LRCH4: variants seen among roughly 807,000 people sequenced by gnomAD.
LRCH4 encodes the protein leucine rich repeats and calponin homology domain containing 4.
Under a neutral mutation model 81.2 loss-of-function variants are expected in LRCH4, and 56 were observed. That is an observed-to-expected ratio of 0.69 (90% CI 0.56 to 0.86). The LOEUF (loss-of-function observed/expected upper bound fraction) is 0.86, where lower values mean the gene tolerates loss of function less well. Among genes scored for constraint, LRCH4 ranks in the 40% least tolerant of loss-of-function variants. The probability of loss-of-function intolerance (pLI) is 0.00; values close to 1 mark genes in which losing one functional copy is unlikely to be tolerated. For missense variants in LRCH4, 895 were observed against 922.8 expected (o/e 0.97, Z 0.39); for synonymous variants, 442 against 409.7 (o/e 1.08, Z -0.95).
chr7:100,578,512 C>A lies in LRCH4; in HGVS notation c.736-1G>T. On this transcript the variant is annotated splice_acceptor_variant, in intron 5 of 17. Coordinates refer to ENST00000310300, the MANE Select transcript of LRCH4 (RefSeq NM_002319.5). LOFTEE classifies it high-confidence loss of function. This position sits in a 1 kb window ranked among gnomAD's most constrained non-coding sequence, Gnocchi z 5.7. ...TGTGAAGTTTCCCCTTCAGGCAGAC[C>A]TGTGTGCGGGGCAGCACACGCCAGG... The A allele has an allele frequency of 6.2e-7, 1 of 1,613,020 alleles. No homozygotes were observed. Among genetic ancestry groups the A allele is most frequent in the South Asian group, 1.1e-5 (1 of 90,924 alleles).
Position 100,583,855 on chromosome 7 carries a change from CGAGTTCTCA to C in LRCH4, c.221-1405_221-1397del. On this transcript the variant is annotated intron_variant, in intron 1 of 17. Coordinates refer to ENST00000310300, the MANE Select transcript of LRCH4 (RefSeq NM_002319.5). This position sits in a 1 kb window ranked among gnomAD's most constrained non-coding sequence, Gnocchi z 4.3. ...GCATGTGGACGAAGGGGGTGGAGAC[CGAGTTCTCA>C]GAGTTCTGATGGGGTAGGCGGTGGC... is the stretch of plus-strand genomic sequence containing the variant. 1 of 279,920 alleles carries C rather than the reference CGAGTTCTCA, an allele frequency of 3.6e-6. No individual in the cohort carries two copies. Among genetic ancestry groups the C allele is most frequent in the Non-Finnish European group, 7.3e-6 (1 of 137,066 alleles). The allele number at this position is 279,920 out of a possible 1,614,324, so 17.3% of individuals were successfully genotyped here.
In LRCH4 at chr7:100,575,782, G is replaced by C. The variant is rs777481880; in HGVS notation, c.1777C>G (p.Pro593Ala). Residue 593 changes from proline to alanine, a missense_variant and splice_region_variant, in exon 17 of 18, where the codon CCA (proline) becomes GCA (alanine). Physicochemically the swap from Pro to Ala is conservative, Grantham distance 27. Coordinates refer to ENST00000310300, the MANE Select transcript of LRCH4 (RefSeq NM_002319.5). This position sits in a 1 kb window ranked among gnomAD's most constrained non-coding sequence, Gnocchi z 5.3. ...CGAGCCTTGAGGGCACTGAGTTTTG[G>C]CTGGGGTGGGTGAAAGAAGAAAATG... Reference protein sequence around the residue: ...PFIHVPSPAVPKLSALKARKN... With the variant: ...PFIHVPSPAVAKLSALKARKN... 1 of 1,608,582 alleles carries C rather than the reference G, an allele frequency of 6.2e-7. No individual in the cohort carries two copies. The highest frequency in any genetic ancestry group is 8.5e-7 in the Non-Finnish European group (1 of 1,175,794).
intron 4 of LRCH4, among the ~76,000 whole-genome samples, chr7:100,581,367 A>G (rs989673365): frequency 2.0e-5 from 3 of 152,242 alleles, no homozygotes; most frequent in Non-Finnish European, 4.4e-5. Flanking sequence ...TTCAAAGCAC[A>G]TACACTGTTA....
Position 100,577,965 on chromosome 7 carries a change from A to G in LRCH4, c.949-53T>C, listed in dbSNP as rs111274869. On this transcript the variant is annotated intron_variant, in intron 7 of 17. Coordinates refer to ENST00000310300, the MANE Select transcript of LRCH4 (RefSeq NM_002319.5). The surrounding 1 kb of genome is among the most constrained non-coding windows in gnomAD (Gnocchi z 6.7). ...ATGGCCTCTCTGTACATGGGGGCTC[A>G]GGACCTGGGGGGTCCTGTGTGGGAC... 3,429 of 1,503,140 alleles carry G rather than the reference A, an allele frequency of 2.3e-3. 90 individuals carry two copies. In the South Asian group the frequency reaches 0.034, roughly 15 times the overall value. The allele number at this position is 1,503,140 out of a possible 1,614,324, so 93.1% of individuals were successfully genotyped here.
rs537780084 is a variant in LRCH4, at chr7:100,574,630, G to GCACACACACACACACACACACACACACA, written c.*476_*477insTGTGTGTGTGTGTGTGTGTGTGTGTGTG. On this transcript the variant is annotated 3_prime_UTR_variant, in exon 18 of 18. Coordinates refer to ENST00000310300, the MANE Select transcript of LRCH4 (RefSeq NM_002319.5). ...ACACGCGGAGCAGACGCGCGCGCGCGCGCACACACACACACACAGGCAGGG... is the reference window on the plus strand; with the variant it reads ...ACACGCGGAGCAGACGCGCGCGCGCGCACACACACACACACACACACACACACACGCACACACACACACACAGGCAGGG... The GCACACACACACACACACACACACACACA allele has an allele frequency of 7.1e-6, 1 of 139,864 alleles. No individual in the cohort carries two copies. Among genetic ancestry groups the GCACACACACACACACACACACACACACA allele is most frequent in the African/African-American group, 3.0e-5 (1 of 33,894 alleles). 8.7% of individuals were successfully genotyped at this position (139,864 alleles called of 1,614,324 possible). A position where few individuals can be genotyped will look rare whatever the true frequency, so the allele number is the denominator to read the frequency against.
intron 4 of LRCH4, chr7:100,579,033 C>A: frequency 1.9e-6 from 1 of 534,244 alleles, no homozygotes; most frequent in Admixed American, 3.5e-5. Context: ...CCGGGAAGGC[C>A]CATCCGGACG....
In LRCH4 at chr7:100,576,927, T is replaced by C. The variant is rs1395444874; in HGVS notation, c.1443A>G (p.Gln481=). ...CTGGTCCAGCTATGGGAAGGGGCTC[T>C]TGGGAGGCAGGGGCAGGGGCGGGGG... The part of the protein sequence containing the change: ...QGAPAPAPAS[Q]EPLPIAGPAT... The change falls in exon 13 of 18, where the codon CAA becomes CAG. Residue 481 remains glutamine (Q), a synonymous_variant. Coordinates refer to ENST00000310300, the MANE Select transcript of LRCH4 (RefSeq NM_002319.5). 3 of 1,566,194 alleles carry C rather than the reference T, an allele frequency of 1.9e-6. No individual in the cohort carries two copies. The highest frequency in any genetic ancestry group is 2.6e-6 in the Non-Finnish European group (3 of 1,153,726).
At position 100,578,407 on chromosome 7, in the gene LRCH4, G is replaced by A. The variant is rs1554349562; in HGVS notation, c.840C>T (p.Phe280=). ...CCCCACCTAGGACTTACCAGGGACT[G>A]AAACTCGGGGGCCGAGAAGGGGCCA... ...GDLAPSRPPS[F]SPCPAEDLFP... The change falls in exon 6 of 18, where the codon TTC becomes TTT. Residue 280 remains phenylalanine (F), a synonymous_variant. Transcript: ENST00000310300. This position sits in a 1 kb window ranked among gnomAD's most constrained non-coding sequence, Gnocchi z 5.7. The A allele has an allele frequency of 6.2e-7, 1 of 1,613,708 alleles. No individual in the cohort carries two copies. The highest frequency in any genetic ancestry group is 1.1e-5 in the South Asian group (1 of 91,034).
In LRCH4 at chr7:100,578,758, C is replaced by T; in HGVS notation, c.627G>A (p.Leu209=). The part of the protein sequence containing the change: ...EELGDLPLVR[L]DFSCNRVSRI... ...GGGAGACGCGGTTACAGGAGAAATC[C>T]AGGCGGACCAGAGGGAGGTCCCCCA... The change falls in exon 5 of 18, where the codon CTG becomes CTA. Residue 209 remains leucine (L), a synonymous_variant. Coordinates refer to ENST00000310300, the MANE Select transcript of LRCH4 (RefSeq NM_002319.5). This position sits in a 1 kb window ranked among gnomAD's most constrained non-coding sequence, Gnocchi z 5.7. The T allele has an allele frequency of 6.2e-7, 1 of 1,613,760 alleles. No homozygotes were observed.
In LRCH4 at chr7:100,580,750, CAT is replaced by C. The variant is rs1285927120; in HGVS notation, c.598+1025_598+1026del. 6.6e-5 allele frequency: 10 copies of C among 151,400 alleles called. No individual in the cohort carries two copies. The East Asian group carries it at 7.8e-4, about 12-fold the overall frequency. 9.4% of individuals were successfully genotyped at this position (151,400 alleles called of 1,614,324 possible). On this transcript the variant is annotated intron_variant, in intron 4 of 17. Coordinates refer to ENST00000310300, the MANE Select transcript of LRCH4 (RefSeq NM_002319.5). ...CAAACATACACACGCACACACACGA[CAT>C]AAATAACACAGACATAAACACAACA...
chr7:100,576,104 C>T (rs910035944), intron 15 of LRCH4, 96 bp from the exon 16 acceptor site: 21 of 1,465,916 alleles, frequency 1.4e-5, no homozygotes, highest in Non-Finnish European at 1.8e-5. Flanking sequence ...GGAACTTGTG[C>T]CTGTCCCTTC....
At chr7:100,584,629 A>T (rs934585518) in intron 1 of LRCH4, 1 of 432,980 alleles carries the variant, frequency 2.3e-6, no homozygotes. Context: ...TGGGGGTGGG[A>T]GGGAACAGGG....
rs185506388 is a variant in LRCH4, at chr7:100,583,844, G to C, written c.221-1385C>G. 5.8e-3 allele frequency: 1,635 copies of C among 282,950 alleles called. 23 individuals are homozygous for C. Among genetic ancestry groups the C allele is most frequent in the South Asian group, 0.023 (730 of 31,896 alleles). 17.5% of individuals were successfully genotyped at this position (282,950 alleles called of 1,614,324 possible). A position where few individuals can be genotyped will look rare whatever the true frequency, so the allele number is the denominator to read the frequency against. ...TTTGTGTGTGTGCATGTGGACGAAG[G>C]GGGTGGAGACCGAGTTCTCAGAGTT... On this transcript the variant is annotated intron_variant, in intron 1 of 17. Transcript: ENST00000310300. This position sits in a 1 kb window ranked among gnomAD's most constrained non-coding sequence, Gnocchi z 4.3.
chr7:100,581,252 C>T (rs147519243), intron 4 of LRCH4, among the ~76,000 whole-genome samples: 1 of 152,166 alleles, frequency 6.6e-6, no homozygotes, highest in Non-Finnish European at 1.5e-5. Flanking sequence ...CAGAGGGTTG[C>T]TAGGTCAAGA....
chr7:100,577,551 C>T lies in LRCH4; in HGVS notation c.1124G>A (p.Arg375Gln), dbSNP rs368166440. The change falls in exon 10 of 18, where the codon CGA (arginine) becomes CAA (glutamine). Residue 375 changes from arginine to glutamine, a missense_variant. Transcript: ENST00000310300. The surrounding 1 kb of genome is among the most constrained non-coding windows in gnomAD (Gnocchi z 6.7). Reference sequence around the variant, plus strand: ...TGCCCCAGGGCTTAATTCGGGTGGTCGCTGCTCCTAAGGAGAGAACAGCAG... The same window carrying T: ...TGCCCCAGGGCTTAATTCGGGTGGTTGCTGCTCCTAAGGAGAGAACAGCAG... Reference protein sequence around the residue: ...DEERGTVEEQRPPELSPGAGD... With the variant: ...DEERGTVEEQQPPELSPGAGD... The T allele has an allele frequency of 5.5e-5, 88 of 1,610,686 alleles. 1 individual carries two copies. Among genetic ancestry groups the T allele is most frequent in the Non-Finnish European group, 6.4e-5 (76 of 1,179,940 alleles).
intron 4 of LRCH4, chr7:100,579,054 C>G: frequency 8.0e-6 from 4 of 503,010 alleles, no homozygotes; most frequent in Non-Finnish European, 1.4e-5. Context: ...TCAGGTCCCG[C>G]CCAGCCCTGT....
intron 1 of LRCH4, chr7:100,584,141 G>A (rs1479389401): frequency 1.1e-5 from 5 of 456,516 alleles, no homozygotes; most frequent in East Asian, 6.9e-5. Flanking sequence ...AAGGCAGTCC[G>A]GGCAGCAAGG....
At chr7:100,581,729 T>C (rs1292487476) in intron 4 of LRCH4, 48 bp downstream of exon 4, 5 of 1,555,450 alleles carry the variant, frequency 3.2e-6, no homozygotes, top group Non-Finnish European at 4.4e-6. Context: ...CTGAGCCAAC[T>C]GGGACGCACA....
Position 100,578,790 on chromosome 7 carries a change from G to T in LRCH4, c.599-4C>A, listed in dbSNP as rs773574050. The T allele has an allele frequency of 3.7e-6, 6 of 1,612,504 alleles. No homozygotes were observed. In the African/African-American group the frequency reaches 4.0e-5, roughly 11 times the overall value. ...ACCAGAGGGAGGTCCCCCAGCTCTG[G>T]AACAGGTGGGCAAGGGAAAAGTCAG... On this transcript the variant is annotated splice_polypyrimidine_tract_variant and splice_region_variant and intron_variant, in intron 4 of 17. Coordinates refer to ENST00000310300, the MANE Select transcript of LRCH4 (RefSeq NM_002319.5). The surrounding 1 kb of genome is among the most constrained non-coding windows in gnomAD (Gnocchi z 5.7).
Sources: gnomAD v4.1 joint callset for allele counts (sites outside exome capture counted in the v4.1 genomes callset) on GRCh38, gnomAD v4.1.1 for gene constraint, Gnocchi (gnomAD v3.1) non-coding constraint, MANE v1.5 for transcripts, NCBI Gene and HGNC (gene_info 2026-07-23, HGNC 2026-07-21) for gene names.